Variants in LETMD1 observed in about 807,000 individuals in gnomAD.
LETMD1 encodes LETM1 domain containing 1, also known as LETM1 domain-containing protein 1.
Under a neutral mutation model 43.9 loss-of-function variants are expected in LETMD1, and 30 were observed. The observed-to-expected ratio is 0.68, with a 90% CI of 0.51 to 0.93. The LOEUF is 0.93. Ranked by LOEUF, LETMD1 falls within the 40% of genes least tolerant of loss-of-function variation. The probability of loss-of-function intolerance (pLI) is 0.00; values close to 1 mark genes in which losing one functional copy is unlikely to be tolerated. For missense variants in LETMD1, 413 were observed against 447.7 expected (o/e 0.92, Z 0.70); for synonymous variants, 176 against 163.1 (o/e 1.08, Z -0.60).
chr12:51,065,318 C>G (rs1211577261), downstream of LETMD1, among the ~76,000 whole-genome samples: 3 of 152,130 alleles, frequency 2.0e-5, no homozygotes, highest in African/African-American at 7.2e-5. Context: ...ACTTACAGAC[C>G]AGGAATATCT....
chr12:51,053,669 C>A, intron 3 of LETMD1, 109 bp from the exon 4 acceptor site: 1 of 727,338 alleles, frequency 1.4e-6, no homozygotes, highest in Non-Finnish European at 2.3e-6. Flanking sequence ...AAATTTGGTC[C>A]TTTTTCTGGG....
intron 8 of LETMD1, chr12:51,059,096 G>A (rs187078276): frequency 5.7e-4 from 245 of 426,352 alleles, no homozygotes; most frequent in Non-Finnish European, 9.4e-4. Flanking sequence ...ATCCCAACGC[G>A]ACTGGTGTTT....
chr12:51,057,782 C>T (rs563496206), intron 7 of LETMD1: 20 of 446,680 alleles, frequency 4.5e-5, no homozygotes, highest in South Asian at 1.6e-4. Flanking sequence ...CATGCCACCA[C>T]GCCTGGCTAA....
intron 8 of LETMD1, 116 bp from the exon 9 acceptor site, chr12:51,059,245 C>T (rs1592715744): frequency 3.8e-6 from 3 of 796,998 alleles, no homozygotes; most frequent in Non-Finnish European, 6.4e-6. Context: ...AGAAAAACAG[C>T]TTCTTCATTC....
chr12:51,064,107 T>C (rs916610986), downstream of LETMD1: 3 of 1,614,226 alleles, frequency 1.9e-6, no homozygotes, highest in Non-Finnish European at 1.7e-6. Flanking sequence ...GACTGGCCTC[T>C]GCTCCACTTG....
intron 3 of LETMD1, among the ~76,000 whole-genome samples, chr12:51,052,836 TGGCTCTC>T (rs1946554702): frequency 6.6e-6 from 1 of 151,468 alleles, no homozygotes; most frequent in Non-Finnish European, 1.5e-5. Context: ...CCAGGCACAG[TGGCTCTC>T]GCCTATAATC....
downstream of LETMD1, chr12:51,064,045 T>C: frequency 6.2e-7 from 1 of 1,614,244 alleles, no homozygotes; most frequent in Non-Finnish European, 8.5e-7. Flanking sequence ...TCCTTCTCCT[T>C]TGGGAAAGAG....
rs770866447 is a variant in LETMD1 at position 51,056,519 on chromosome 12, A to G, written c.915+17A>G. 1.2e-6 allele frequency: 2 copies of G among 1,614,050 alleles called. No homozygotes were observed. Among genetic ancestry groups the G allele is most frequent in the South Asian group, 1.1e-5 (1 of 91,082 alleles). On this transcript the variant is annotated intron_variant, in intron 7 of 8. Coordinates refer to ENST00000262055, the MANE Select transcript of LETMD1 (RefSeq NM_015416.5). ...GTAAAATCGGTAAGAGCTTGATTGCAACATCAACCCTCAACCCTTGGTGTG... is the reference window on the plus strand; with the variant it reads ...GTAAAATCGGTAAGAGCTTGATTGCGACATCAACCCTCAACCCTTGGTGTG...
chr12:51,054,492 G>T (rs1266570861), intron 4 of LETMD1, among the ~76,000 whole-genome samples: 2 of 152,184 alleles, frequency 1.3e-5, no homozygotes, highest in East Asian at 3.8e-4. Flanking sequence ...TGCCCTGGCA[G>T]GGATGGCTAC....
chr12:51,064,205 G>A (rs1334345236), downstream of LETMD1: 1 of 1,613,982 alleles, frequency 6.2e-7, no homozygotes, highest in African/African-American at 1.3e-5. Context: ...TAAAACACAG[G>A]ACAGAGGAGC....
chr12:51,068,783 GA>G, the LETMD1 span, among the ~76,000 whole-genome samples: 3 of 149,474 alleles, frequency 2.0e-5, no homozygotes, highest in Non-Finnish European at 3.0e-5. Flanking sequence ...CTACCTTCTT[GA>G]AAAAAAAAGG....
chr12:51,056,327 C>G (rs555884959), intron 6 of LETMD1, 23 bp from the exon 7 acceptor site: 1 of 1,614,020 alleles, frequency 6.2e-7, no homozygotes, highest in African/African-American at 1.3e-5. Context: ...TTGCCTTTCC[C>G]CTCCTATGTG....
At chr12:51,067,534 G>A in the LETMD1 span, 5 of 761,854 alleles carry the variant, frequency 6.6e-6, no homozygotes, top group Non-Finnish European at 1.1e-5. This position sits in a 1 kb window ranked among gnomAD's most constrained non-coding sequence, Gnocchi z 4.1. Flanking sequence ...TCTGTTGACG[G>A]AGGAGGGTTG....
At chr12:51,048,314 A>T, upstream of LETMD1, 1 of 1,613,476 alleles carries the variant, frequency 6.2e-7, no homozygotes, top group Non-Finnish European at 8.5e-7. Flanking sequence ...GTTAACTTTG[A>T]CCCAAAGACA....
At chr12:51,054,252 GA>G (rs1946991504) in intron 4 of LETMD1, among the ~76,000 whole-genome samples, 1 of 152,088 alleles carries the variant, frequency 6.6e-6, no homozygotes, top group Non-Finnish European at 1.5e-5. Flanking sequence ...TCTTAACTGT[GA>G]TCTTGCATGT....
At chr12:51,059,259 C>G in intron 8 of LETMD1, 102 bp from the exon 9 acceptor site, 3 of 937,788 alleles carry the variant, frequency 3.2e-6, no homozygotes, top group Non-Finnish European at 5.2e-6. Context: ...TTCATTCCAC[C>G]CCTCCCTGCA....
At chr12:51,050,285 T>A (rs900897998) in intron 2 of LETMD1, among the ~76,000 whole-genome samples, 4 of 151,442 alleles carry the variant, frequency 2.6e-5, no homozygotes, top group African/African-American at 9.7e-5. Flanking sequence ...TGCAATGGCA[T>A]GATCTCGGTT....
intron 1 of LETMD1, 193 bp downstream of exon 1, chr12:51,048,671 C>T (rs1257190518): frequency 2.9e-6 from 2 of 692,128 alleles, no homozygotes; most frequent in Non-Finnish European, 4.7e-6. Flanking sequence ...CTCAGTGCCC[C>T]ATATTGTCTG....
intron 3 of LETMD1, among the ~76,000 whole-genome samples, chr12:51,052,863 T>C (rs1946563860): frequency 6.6e-6 from 1 of 151,950 alleles, no homozygotes; most frequent in African/African-American, 2.4e-5. Context: ...CTCAGCATTT[T>C]GGGAGACTGA....
Sources: allele counts gnomAD v4.1 joint callset (sites outside exome capture counted in the v4.1 genomes callset), GRCh38; gene constraint gnomAD v4.1.1; non-coding constraint Gnocchi (gnomAD v3.1); transcripts MANE v1.5; gene names NCBI Gene and HGNC (gene_info 2026-07-23, HGNC 2026-07-21).